PRELID2: variants seen among roughly 807,000 people sequenced by gnomAD.
PRELID2 encodes PRELI domain containing 2, also known as PRELI domain-containing protein 2.
A neutral mutation model predicts 28.4 loss-of-function variants in PRELID2; 25 were observed. The observed-to-expected ratio is 0.88, with a 90% confidence interval of 0.64 to 1.23. PRELID2 has a LOEUF of 1.23. PRELID2 is among the 50% of genes most tolerant of loss of function. The probability of loss-of-function intolerance (pLI) is 0.00; values close to 1 mark genes in which losing one functional copy is unlikely to be tolerated. For synonymous variants in PRELID2, 76 were observed against 71.6 expected, an observed-to-expected ratio of 1.06 and a Z score of -0.31; for missense variants, 201 against 214.4, an observed-to-expected ratio of 0.94 and a Z score of 0.39.
At chr5:145,281,029 A>G in the PRELID2 span, among the ~76,000 whole-genome samples, 14 of 152,250 alleles carry the variant, frequency 9.2e-5, no homozygotes, top group Non-Finnish European at 1.6e-4. Flanking sequence ...TTCTCACTCT[A>G]TCTCACCATT....
At chr5:145,587,435 C>T (rs987065787) in intron 1 of PRELID2, among the ~76,000 whole-genome samples, 1 of 152,110 alleles carries the variant, frequency 6.6e-6, no homozygotes, top group African/African-American at 2.4e-5. Context: ...TGACTTTCTC[C>T]TCTTCATGCA....
chr5:145,715,807 C>A (rs144582671), intron 1 of PRELID2, among the ~76,000 whole-genome samples: 1 of 152,200 alleles, frequency 6.6e-6, no homozygotes, highest in Non-Finnish European at 1.5e-5. Flanking sequence ...TAAACTGTTA[C>A]TTCTGCAGAG....
At chr5:145,623,515 G>A (rs1425525958) in intron 1 of PRELID2, among the ~76,000 whole-genome samples, 1 of 151,766 alleles carries the variant, frequency 6.6e-6, no homozygotes, top group African/African-American at 2.4e-5. Context: ...CAATGTAGTG[G>A]CATTGACACA....
chr5:145,433,144 C>T, the PRELID2 span, among the ~76,000 whole-genome samples: 3 of 152,112 alleles, frequency 2.0e-5, no homozygotes, highest in African/African-American at 4.8e-5. Context: ...TATTTCCACA[C>T]TGATAATTAA....
chr5:145,800,016 A>G (rs191804045), intron 4 of PRELID2, among the ~76,000 whole-genome samples: 1 of 152,282 alleles, frequency 6.6e-6, no homozygotes, highest in African/African-American at 2.4e-5. Flanking sequence ...ACATTTTCTC[A>G]ACCTTACATC....
rs569492889 is a variant in PRELID2 at position 145,774,818 on chromosome 5, T to C, written c.475-9818A>G. 5.3e-5 allele frequency among the ~76,000 whole-genome samples: 8 copies of C among 152,358 alleles called. No homozygotes were observed. In the South Asian group the frequency reaches 1.7e-3, roughly 32 times the overall value. On this transcript the variant is annotated intron_variant, in intron 5 of 6. Transcript: ENST00000683046. ...TAATTAGCAAGCAAGCTAAGGCCTC[T>C]ATCTACTAGTCTGTGCTGAGCACAT...
At chr5:145,455,744 TTGTC>T in the PRELID2 span, among the ~76,000 whole-genome samples, 3 of 152,158 alleles carry the variant, frequency 2.0e-5, no homozygotes, top group Non-Finnish European at 4.4e-5. Context: ...GGTTTTCTGT[TTGTC>T]TGTTATTGTT....
intron 1 of PRELID2, among the ~76,000 whole-genome samples, chr5:145,742,125 TAA>T (rs1756828129): frequency 1.9e-4 from 1 of 5,356 alleles, no homozygotes; most frequent in Non-Finnish European, 9.1e-4. Flanking sequence ...TAAAATTTAT[TAA>T]TTATAAATAA....
At chr5:145,288,067 C>T in the PRELID2 span, among the ~76,000 whole-genome samples, 7 of 152,074 alleles carry the variant, frequency 4.6e-5, no homozygotes, top group African/African-American at 1.7e-4. Context: ...ATGCTGTTAA[C>T]ATGACTTGTC....
intron 1 of PRELID2, among the ~76,000 whole-genome samples, chr5:145,555,580 A>G (rs1353968113): frequency 1.3e-5 from 2 of 152,218 alleles, no homozygotes; most frequent in Non-Finnish European, 2.9e-5. Context: ...CCAGGAATAC[A>G]ACTGGACAGC....
chr5:145,614,611 C>A (rs1345274794), intron 1 of PRELID2, among the ~76,000 whole-genome samples: 1 of 152,032 alleles, frequency 6.6e-6, no homozygotes, highest in Non-Finnish European at 1.5e-5. Context: ...ATGTTGAGTT[C>A]TTGATTTCAT....
At chr5:145,764,835 C>T (rs371841430) in intron 6 of PRELID2, 96 bp downstream of exon 6, 36 of 811,102 alleles carry the variant, frequency 4.4e-5, no homozygotes, top group South Asian at 3.6e-4. Context: ...AAATGTGCAG[C>T]GTGAATAGCC....
the PRELID2 span, among the ~76,000 whole-genome samples, chr5:145,273,498 C>T: frequency 6.6e-6 from 1 of 151,748 alleles, no homozygotes; most frequent in Non-Finnish European, 1.5e-5. Flanking sequence ...GGCCAAGGCA[C>T]CCTAGGGAGG....
intron 1 of PRELID2, among the ~76,000 whole-genome samples, chr5:145,530,236 A>G (rs1259601562): frequency 1.3e-5 from 2 of 152,156 alleles, no homozygotes; most frequent in African/African-American, 4.8e-5. Flanking sequence ...TTACTCAACA[A>G]GTATTAACAT....
the PRELID2 span, among the ~76,000 whole-genome samples, chr5:145,335,654 T>C: frequency 1.3e-5 from 2 of 152,110 alleles, no homozygotes; most frequent in African/African-American, 2.4e-5. Context: ...GAGACAAACA[T>C]AAATGGAAAC....
chr5:145,322,874 G>A, the PRELID2 span, among the ~76,000 whole-genome samples: 1 of 152,064 alleles, frequency 6.6e-6, no homozygotes, highest in Non-Finnish European at 1.5e-5. Flanking sequence ...CCAGCTACTC[G>A]GGAGGCTGAG....
the PRELID2 span, among the ~76,000 whole-genome samples, chr5:145,416,883 C>G: frequency 6.6e-6 from 1 of 151,720 alleles, no homozygotes; most frequent in Non-Finnish European, 1.5e-5. Flanking sequence ...CCCAAAGTCT[C>G]ATCTGAGTCA....
chr5:145,488,811 C>T (rs1229002151), intron 1 of PRELID2, among the ~76,000 whole-genome samples: 1 of 152,066 alleles, frequency 6.6e-6, no homozygotes, highest in African/African-American at 2.4e-5. Context: ...TTTATTCACA[C>T]ATTTATGACA....
At chr5:145,287,428 C>T in the PRELID2 span, among the ~76,000 whole-genome samples, 1 of 152,086 alleles carries the variant, frequency 6.6e-6, no homozygotes, top group African/African-American at 2.4e-5. Flanking sequence ...AAGGTAGCTA[C>T]TAAGTGACTA....
Sources: allele counts gnomAD v4.1 joint callset (sites outside exome capture counted in the v4.1 genomes callset), GRCh38; gene constraint gnomAD v4.1.1; transcripts MANE v1.5; gene names NCBI Gene and HGNC (gene_info 2026-07-23, HGNC 2026-07-21).